PDE4D: variants seen among roughly 807,000 people sequenced by gnomAD.
PDE4D encodes the protein 3',5'-cyclic-AMP phosphodiesterase 4D.
PDE4D carries 24 observed loss-of-function variants against 87.4 expected under a neutral mutation model. The observed-to-expected ratio is 0.27, with a 90% confidence interval of 0.20 to 0.39. PDE4D has a LOEUF of 0.39. Ranked by LOEUF, PDE4D falls within the 10% of genes least tolerant of loss-of-function variation. PDE4D has a pLI of 1.00. For synonymous variants in PDE4D, 384 were observed against 383.2 expected (o/e 1.00, Z -0.02); for missense variants, 714 against 1,041.0 (o/e 0.69, Z 4.32).
At chr5:59,735,621 C>T (rs2150633523) in intron 1 of PDE4D, among the ~76,000 whole-genome samples, 1 of 152,156 alleles carries the variant, frequency 6.6e-6, no homozygotes, top group South Asian at 2.1e-4. Context: ...TTTAGTTTTT[C>T]TAAATATAAA....
intron 5 of PDE4D, among the ~76,000 whole-genome samples, chr5:59,106,357 T>C (rs1213445627): frequency 1.3e-5 from 2 of 152,248 alleles, no homozygotes; most frequent in Middle Eastern, 6.3e-3. Flanking sequence ...CTGATGATGT[T>C]ATTGCACAAA....
chr5:59,550,612 T>C (rs1817957021), intron 1 of PDE4D, among the ~76,000 whole-genome samples: 1 of 152,204 alleles, frequency 6.6e-6, no homozygotes, highest in Admixed American at 6.5e-5. Flanking sequence ...AGTTGGGGTT[T>C]TATTCATGTA....
intron 1 of PDE4D, among the ~76,000 whole-genome samples, chr5:59,453,343 G>A (rs931472034): frequency 3.9e-5 from 6 of 152,194 alleles, no homozygotes; most frequent in Non-Finnish European, 8.8e-5. Context: ...CAAGTGAGGT[G>A]AAGAGCAGCA....
Position 59,738,831 on chromosome 5 carries a change from TTTC to T in PDE4D, c.455+154334_455+154336del, listed in dbSNP as rs577610862. Among the ~76,000 whole-genome samples, 6 of 152,164 alleles carry T rather than the reference TTTC, an allele frequency of 3.9e-5. No homozygotes were observed. The South Asian group carries it at 1.2e-3, about 32-fold the overall frequency. On this transcript the variant is annotated intron_variant, in intron 1 of 14. Transcript: ENST00000340635. ...AAACACTACGCATACTTCTTACTCA[TTTC>T]TTTTTATCCTTTTCAATCTGTATCA...
chr5:59,578,960 C>T (rs1823621363), intron 1 of PDE4D, among the ~76,000 whole-genome samples: 1 of 152,042 alleles, frequency 6.6e-6, no homozygotes, highest in Admixed American at 6.6e-5. Flanking sequence ...TTCTTCTCCT[C>T]CTCCTTCGTT....
intron 1 of PDE4D, among the ~76,000 whole-genome samples, chr5:59,531,787 G>A (rs756870091): frequency 2.0e-5 from 3 of 152,168 alleles, no homozygotes; most frequent in East Asian, 3.8e-4. Context: ...TGGGCCCACT[G>A]GGCTAATACG....
chr5:60,416,012 A>G (rs1037949405), intron 1 of PDE4D, among the ~76,000 whole-genome samples: 2 of 152,192 alleles, frequency 1.3e-5, no homozygotes, highest in Non-Finnish European at 2.9e-5. Context: ...GGGTTTGTGA[A>G]TGCACCAATC....
At chr5:59,111,955 C>T (rs994006777) in intron 5 of PDE4D, among the ~76,000 whole-genome samples, 3 of 152,150 alleles carry the variant, frequency 2.0e-5, no homozygotes, top group African/African-American at 7.2e-5. Context: ...CAGTCTAGTA[C>T]AGGAGAGAGA....
intron 2 of PDE4D, among the ~76,000 whole-genome samples, chr5:59,995,201 C>T (rs1293146021): frequency 6.6e-6 from 1 of 152,124 alleles, no homozygotes; most frequent in African/African-American, 2.4e-5. Flanking sequence ...TGTCTATCTG[C>T]TTCTCCAGTC....
At chr5:59,630,705 A>G (rs1414561205) in intron 1 of PDE4D, among the ~76,000 whole-genome samples, 2 of 152,180 alleles carry the variant, frequency 1.3e-5, no homozygotes, top group African/African-American at 4.8e-5. Flanking sequence ...CAAGGTCACA[A>G]CTTCTATAAT....
chr5:60,463,227 G>A (rs530746422), intron 1 of PDE4D, among the ~76,000 whole-genome samples: 57 of 152,288 alleles, frequency 3.7e-4, no homozygotes, highest in African/African-American at 1.3e-3. Context: ...CAATCCAGAC[G>A]TGCACACCCT....
chr5:59,535,880 C>A (rs1346229964), intron 1 of PDE4D, among the ~76,000 whole-genome samples: 1 of 152,150 alleles, frequency 6.6e-6, no homozygotes, highest in Non-Finnish European at 1.5e-5. Context: ...ATCCTAAAAT[C>A]GCTAGATGGA....
intron 1 of PDE4D, among the ~76,000 whole-genome samples, chr5:60,412,386 T>G (rs915689851): frequency 6.6e-6 from 1 of 152,168 alleles, no homozygotes; most frequent in Non-Finnish European, 1.5e-5. Context: ...GTCAATATCT[T>G]TTTAGAGAGC....
chr5:59,196,792 T>C (rs1298643370), intron 2 of PDE4D, among the ~76,000 whole-genome samples: 3 of 152,146 alleles, frequency 2.0e-5, no homozygotes, highest in African/African-American at 4.8e-5. Context: ...TCAAGATAGT[T>C]CAATGGTTTC....
At chr5:59,614,810 T>C (rs1329399428) in intron 1 of PDE4D, among the ~76,000 whole-genome samples, 1 of 152,130 alleles carries the variant, frequency 6.6e-6, no homozygotes, top group African/African-American at 2.4e-5. Context: ...TATTCAAATT[T>C]AGTTATTCAA....
intron 1 of PDE4D, among the ~76,000 whole-genome samples, chr5:59,377,608 T>C (rs777929937): frequency 5.9e-5 from 9 of 152,170 alleles, no homozygotes; most frequent in Non-Finnish European, 1.3e-4. Context: ...CTAGCATCTA[T>C]AAGGAACTTA....
rs4272092 is a variant in PDE4D, at chr5:60,064,115, T to C, written c.43-75398A>G. Among the ~76,000 whole-genome samples the C allele has an allele frequency of 6.1e-3, 922 of 152,228 alleles. 12 individuals are homozygous for C. Among genetic ancestry groups the C allele is most frequent in the African/African-American group, 0.02 (838 of 41,558 alleles). On this transcript the variant is annotated intron_variant, in intron 2 of 16. Coordinates refer to the PDE4D transcript ENST00000502484. ...CTTTGCATCTTTCTTTAAAATCTTTTAAATAATAATCACATATAATTTTCA... is the reference window on the plus strand; with the variant it reads ...CTTTGCATCTTTCTTTAAAATCTTTCAAATAATAATCACATATAATTTTCA...
chr5:60,320,989 C>G (rs188672515), intron 1 of PDE4D, among the ~76,000 whole-genome samples: 6 of 152,118 alleles, frequency 3.9e-5, no homozygotes, highest in Non-Finnish European at 7.4e-5. Context: ...AAGCAATTTA[C>G]GGATTCAATG....
intron 6 of PDE4D, among the ~76,000 whole-genome samples, chr5:59,034,364 A>G (rs1366912283): frequency 6.6e-6 from 1 of 152,164 alleles, no homozygotes; most frequent in Non-Finnish European, 1.5e-5. Flanking sequence ...TTTTCTCTCT[A>G]TAAAACTAAC....
Sources: gnomAD v4.1 joint callset for allele counts (sites outside exome capture counted in the v4.1 genomes callset) on GRCh38, gnomAD v4.1.1 for gene constraint, MANE v1.5 for transcripts, NCBI Gene and HGNC (gene_info 2026-07-23, HGNC 2026-07-21) for gene names.